Variants in FAM163A observed in about 807,000 individuals in gnomAD.
The protein encoded by FAM163A is family with sequence similarity 163 member A, also known as protein FAM163A.
A neutral mutation model predicts 12.0 loss-of-function variants in FAM163A; 7 were observed. That is an observed-to-expected ratio of 0.58 (90% CI 0.33 to 1.10). FAM163A has a LOEUF of 1.10. Ranked by LOEUF, FAM163A falls within the 50% of genes least tolerant of loss-of-function variation. The pLI, the probability that FAM163A is intolerant of heterozygous loss-of-function variation, is 0.03. For synonymous variants in FAM163A, 101 were observed against 91.0 expected, an observed-to-expected ratio of 1.11 and a Z score of -0.62; for missense variants, 202 against 218.6, an observed-to-expected ratio of 0.92 and a Z score of 0.48.
At chr1:179,748,108 CA>C (rs1408778363) in intron 1 of FAM163A, among the ~76,000 whole-genome samples, 1 of 152,052 alleles carries the variant, frequency 6.6e-6, no homozygotes, top group Non-Finnish European at 1.5e-5. Context: ...CACTAAGCCC[CA>C]AGTCTGTGCT....
At chr1:179,766,281 G>T (rs1038307709) in intron 1 of FAM163A, among the ~76,000 whole-genome samples, 1 of 152,136 alleles carries the variant, frequency 6.6e-6, no homozygotes, top group African/African-American at 2.4e-5. Flanking sequence ...TTCCCATAAA[G>T]AAATTATCTG....
At chr1:179,733,074 G>A in the FAM163A span, among the ~76,000 whole-genome samples, 2 of 152,094 alleles carry the variant, frequency 1.3e-5, no homozygotes, top group Admixed American at 6.5e-5. Context: ...AGCACATACC[G>A]AGGCGGCAGG....
chr1:179,732,880 C>CAAAAAAAA, the FAM163A span, among the ~76,000 whole-genome samples: 10 of 39,144 alleles, frequency 2.6e-4, 1 homozygote, highest in African/African-American at 4.0e-4. Context: ...GACTCTGCCT[C>CAAAAAAAA]AAAAAAAAAA....
At chr1:179,807,453 C>T (rs1373807677) in intron 1 of FAM163A, among the ~76,000 whole-genome samples, 1 of 152,214 alleles carries the variant, frequency 6.6e-6, no homozygotes, top group African/African-American at 2.4e-5. Flanking sequence ...AGATCCAGAT[C>T]CTCCAGTGGA....
chr1:179,791,199 G>A (rs1397064118), intron 1 of FAM163A, among the ~76,000 whole-genome samples: 2 of 152,168 alleles, frequency 1.3e-5, no homozygotes, highest in Non-Finnish European at 2.9e-5. Context: ...CTAACGTTAT[G>A]AGACTTCAGT....
At chr1:179,798,770 C>T (rs1253053053) in intron 1 of FAM163A, among the ~76,000 whole-genome samples, 2 of 152,194 alleles carry the variant, frequency 1.3e-5, no homozygotes, top group African/African-American at 2.4e-5. Flanking sequence ...CCTCCCTGCA[C>T]GATGTGGGTG....
At chr1:179,745,253 T>TC (rs1176082320) in intron 1 of FAM163A, among the ~76,000 whole-genome samples, 1 of 152,122 alleles carries the variant, frequency 6.6e-6, no homozygotes. Context: ...AGTGACCTCA[T>TC]CAGGCATACT....
intron 1 of FAM163A, among the ~76,000 whole-genome samples, chr1:179,759,455 C>T (rs1282852959): frequency 2.6e-5 from 4 of 152,110 alleles, no homozygotes; most frequent in East Asian, 3.9e-4. Context: ...AGCAAGGTCA[C>T]GTGGATGAAG....
At chr1:179,813,465 G>A (rs1557984180) in intron 4 of FAM163A, among the ~76,000 whole-genome samples, 1 of 152,222 alleles carries the variant, frequency 6.6e-6, no homozygotes, top group Non-Finnish European at 1.5e-5. Context: ...AGGAGCATGG[G>A]AAGAGCACCA....
intron 1 of FAM163A, among the ~76,000 whole-genome samples, chr1:179,759,672 C>T (rs11580321): frequency 0.081 from 12,200 of 151,360 alleles, 759 homozygotes; most frequent in African/African-American, 0.17. Flanking sequence ...AACTAGATCC[C>T]CTTTTTTTTT....
intron 1 of FAM163A, among the ~76,000 whole-genome samples, chr1:179,785,105 TCA>T (rs1349691327): frequency 6.6e-6 from 1 of 152,150 alleles, no homozygotes; most frequent in Non-Finnish European, 1.5e-5. Context: ...GCGCAGTAAT[TCA>T]GTGCGTCAGG....
chr1:179,792,387 A>AC (rs1452583341), intron 1 of FAM163A, among the ~76,000 whole-genome samples: 1 of 149,952 alleles, frequency 6.7e-6, no homozygotes, highest in Non-Finnish European at 1.5e-5. Flanking sequence ...CAACAAATCC[A>AC]CCCCCGCTTA....
At chr1:179,796,066 C>T (rs922170972) in intron 1 of FAM163A, among the ~76,000 whole-genome samples, 8 of 151,530 alleles carry the variant, frequency 5.3e-5, no homozygotes, top group African/African-American at 1.9e-4. Flanking sequence ...GACTTTTCTG[C>T]AGTCACAGAA....
intron 1 of FAM163A, among the ~76,000 whole-genome samples, chr1:179,762,877 G>A (rs1686995681): frequency 3.3e-5 from 5 of 152,310 alleles, no homozygotes; most frequent in Admixed American, 3.3e-4. Context: ...AGTTCCCAGG[G>A]TAGGGGAGGA....
rs552449708 is a variant in FAM163A at position 179,792,265 on chromosome 1, A to G, written c.-135-15533A>G. ...CTCCTGAGTAGCTGGGACTACAGAC[A>G]CATGCCACCATATCTGATTGTGTGT... is the stretch of plus-strand genomic sequence containing the variant. On this transcript the variant is annotated intron_variant, in intron 1 of 4. Transcript: ENST00000341785. Among the ~76,000 whole-genome samples, 4 of 151,044 alleles carry G rather than the reference A, an allele frequency of 2.6e-5. No homozygotes were observed. In the East Asian group the frequency reaches 7.8e-4, roughly 30 times the overall value.
At chr1:179,762,387 G>T (rs147772534) in intron 1 of FAM163A, among the ~76,000 whole-genome samples, 2 of 152,124 alleles carry the variant, frequency 1.3e-5, no homozygotes, top group Non-Finnish European at 2.9e-5. Context: ...GTCCTGTCAC[G>T]GTTTGGGAGA....
At chr1:179,775,759 T>C (rs1688870891) in intron 1 of FAM163A, among the ~76,000 whole-genome samples, 1 of 152,156 alleles carries the variant, frequency 6.6e-6, no homozygotes, top group Non-Finnish European at 1.5e-5. Context: ...GTCTTATGAG[T>C]GTGGACAGAT....
chr1:179,774,959 A>C (rs1315822588), intron 1 of FAM163A, among the ~76,000 whole-genome samples: 1 of 152,194 alleles, frequency 6.6e-6, no homozygotes, highest in Non-Finnish European at 1.5e-5. Context: ...CGTTTTGAAC[A>C]AAGAATTGGA....
At chr1:179,771,498 C>T (rs1176033048) in intron 1 of FAM163A, among the ~76,000 whole-genome samples, 1 of 152,196 alleles carries the variant, frequency 6.6e-6, no homozygotes, top group Admixed American at 6.5e-5. Context: ...ACCTCACCCT[C>T]TCTTTCCTCA....
Sources: gnomAD v4.1 joint callset for allele counts (sites outside exome capture counted in the v4.1 genomes callset) on GRCh38, gnomAD v4.1.1 for gene constraint, MANE v1.5 for transcripts, NCBI Gene and HGNC (gene_info 2026-07-23, HGNC 2026-07-21) for gene names.